SOX5: variants seen among roughly 807,000 people sequenced by gnomAD.
SOX5 encodes SRY-box transcription factor 5, also known as transcription factor SOX-5.
Under a neutral mutation model 92.0 loss-of-function variants are expected in SOX5, and 9 were observed. The observed-to-expected ratio is 0.10, with a 90% confidence interval of 0.06 to 0.17. The LOEUF (loss-of-function observed/expected upper bound fraction) is 0.17. SOX5 is among the 10% of genes least tolerant of loss of function. SOX5 has a pLI of 1.00. For missense variants in SOX5, 642 were observed against 944.5 expected, an observed-to-expected ratio of 0.68 and a Z score of 4.20; for synonymous variants, 344 against 336.3, an observed-to-expected ratio of 1.02 and a Z score of -0.25.
chr12:24,168,867 T>C (rs558832852), intron 4 of SOX5, among the ~76,000 whole-genome samples: 54 of 152,302 alleles, frequency 3.5e-4, no homozygotes, highest in Non-Finnish European at 5.9e-4. Context: ...TATTTCTGTA[T>C]GTGGATGCAA....
At chr12:24,442,178 A>C (rs955741632) in intron 1 of SOX5, among the ~76,000 whole-genome samples, 4 of 152,188 alleles carry the variant, frequency 2.6e-5, no homozygotes, top group Non-Finnish European at 4.4e-5. Flanking sequence ...AAAGAGGCAA[A>C]TTTTTGTATA....
At chr12:24,273,906 G>A (rs7979847) in intron 3 of SOX5, among the ~76,000 whole-genome samples, 152,035 of 152,326 alleles carry the variant, frequency 1, 75,873 homozygotes, top group Middle Eastern at 1. Flanking sequence ...AAACTTTCTA[G>A]TTTCCGTTGT....
chr12:24,359,789 C>T (rs1955313431), intron 2 of SOX5, among the ~76,000 whole-genome samples: 1 of 152,180 alleles, frequency 6.6e-6, no homozygotes. Flanking sequence ...TAGACATACC[C>T]TACCTACTCT....
intron 4 of SOX5, among the ~76,000 whole-genome samples, chr12:24,092,809 T>C (rs1279433452): frequency 3.9e-5 from 6 of 152,212 alleles, no homozygotes; most frequent in Admixed American, 2.0e-4. Context: ...CCACCAAATC[T>C]TGTTCTGGGC....
intron 1 of SOX5, among the ~76,000 whole-genome samples, chr12:24,395,573 C>G (rs960832964): frequency 6.6e-6 from 1 of 152,164 alleles, no homozygotes; most frequent in Non-Finnish European, 1.5e-5. Flanking sequence ...TTTAACATGT[C>G]TACATTTTGT....
At chr12:24,337,752 T>C (rs1370451256) in intron 2 of SOX5, among the ~76,000 whole-genome samples, 1 of 152,230 alleles carries the variant, frequency 6.6e-6, no homozygotes, top group Non-Finnish European at 1.5e-5. Context: ...CTGTCGTTAA[T>C]GCTGGAAAGG....
chr12:23,772,168 T>C (rs2094954958), intron 3 of SOX5, among the ~76,000 whole-genome samples: 2 of 152,352 alleles, frequency 1.3e-5, no homozygotes, highest in South Asian at 4.1e-4. Flanking sequence ...TCCAATTCAA[T>C]AAAGCATAAG....
At chr12:24,081,107 T>C (rs1263736047) in intron 4 of SOX5, among the ~76,000 whole-genome samples, 1 of 151,962 alleles carries the variant, frequency 6.6e-6, no homozygotes, top group Admixed American at 6.6e-5. Flanking sequence ...TCGTTTTCTC[T>C]CTTTATCCTA....
intron 4 of SOX5, among the ~76,000 whole-genome samples, chr12:24,043,904 G>A (rs969048087): frequency 3.9e-5 from 6 of 152,042 alleles, no homozygotes; most frequent in African/African-American, 1.2e-4. Flanking sequence ...CCTCCATCAC[G>A]TATCATAATT....
At chr12:23,858,966 T>C (rs1306868991) in intron 2 of SOX5, among the ~76,000 whole-genome samples, 2 of 152,218 alleles carry the variant, frequency 1.3e-5, no homozygotes, top group Non-Finnish European at 2.9e-5. Flanking sequence ...ATCAATACTC[T>C]TATAATTTCC....
intron 7 of SOX5, among the ~76,000 whole-genome samples, chr12:23,656,657 T>C (rs1198310248): frequency 6.6e-6 from 1 of 152,086 alleles, no homozygotes; most frequent in Non-Finnish European, 1.5e-5. Context: ...TCCTCAGGTA[T>C]ATGATATACA....
At chr12:24,405,828 T>C (rs1326620908) in intron 1 of SOX5, among the ~76,000 whole-genome samples, 1 of 152,086 alleles carries the variant, frequency 6.6e-6, no homozygotes, top group African/African-American at 2.4e-5. Flanking sequence ...CTCTAAAAGT[T>C]ATAAAGGATC....
chr12:23,997,908 C>A (rs1408744258), intron 4 of SOX5, among the ~76,000 whole-genome samples: 1 of 152,052 alleles, frequency 6.6e-6, no homozygotes, highest in East Asian at 1.9e-4. Flanking sequence ...TTAGTCCAGG[C>A]AAATCATTAA....
At chr12:23,687,865 G>T (rs553342644) in intron 6 of SOX5, among the ~76,000 whole-genome samples, 51 of 131,716 alleles carry the variant, frequency 3.9e-4, no homozygotes, top group African/African-American at 1.4e-3. Context: ...TTATTGGGTA[G>T]TGCCAGTTCA....
intron 3 of SOX5, among the ~76,000 whole-genome samples, chr12:23,769,273 T>G (rs2094843399): frequency 6.6e-6 from 1 of 152,260 alleles, no homozygotes; most frequent in South Asian, 2.1e-4. Flanking sequence ...GAATCTCTTG[T>G]TTCCATACAT....
intron 4 of SOX5, among the ~76,000 whole-genome samples, chr12:23,744,600 A>T (rs2093918474): frequency 6.6e-6 from 1 of 152,146 alleles, no homozygotes; most frequent in African/African-American, 2.4e-5. Flanking sequence ...ATTTTAATGA[A>T]AATTATATTT....
At chr12:23,933,250 T>C (rs1941833398) in intron 1 of SOX5, among the ~76,000 whole-genome samples, 1 of 151,608 alleles carries the variant, frequency 6.6e-6, no homozygotes, top group Non-Finnish European at 1.5e-5. Flanking sequence ...ACCTGAATCA[T>C]CTCTTTGTCC....
chr12:24,120,153 ATATG>A (rs1269181399), intron 4 of SOX5, among the ~76,000 whole-genome samples: 1 of 152,188 alleles, frequency 6.6e-6, no homozygotes, highest in Non-Finnish European at 1.5e-5. Flanking sequence ...TTCGGTGAGC[ATATG>A]TATGTATTTC....
chr12:23,827,363 G>A (rs1219636082), intron 3 of SOX5, among the ~76,000 whole-genome samples: 1 of 152,020 alleles, frequency 6.6e-6, no homozygotes, highest in Non-Finnish European at 1.5e-5. Flanking sequence ...AAAAGAGAAT[G>A]GTAAATTGAA....
Sources: gnomAD v4.1 joint callset for allele counts (sites outside exome capture counted in the v4.1 genomes callset) on GRCh38, gnomAD v4.1.1 for gene constraint, MANE v1.5 for transcripts, NCBI Gene and HGNC (gene_info 2026-07-23, HGNC 2026-07-21) for gene names.